SMYD3: variants seen among roughly 807,000 people sequenced by gnomAD.
SMYD3 encodes histone-lysine N-methyltransferase SMYD3.
Under a neutral mutation model 57.7 loss-of-function variants are expected in SMYD3, and 36 were observed. The observed-to-expected ratio is 0.62, with a 90% CI of 0.48 to 0.82. The LOEUF (loss-of-function observed/expected upper bound fraction) is 0.82, where lower values mean the gene tolerates loss of function less well. Ranked by LOEUF, SMYD3 falls within the 40% of genes least tolerant of loss-of-function variation. The pLI is 0.00. For missense variants in SMYD3, 515 were observed against 538.8 expected, an observed-to-expected ratio of 0.96 and a Z score of 0.44; for synonymous variants, 211 against 195.0, an observed-to-expected ratio of 1.08 and a Z score of -0.68.
At chr1:246,248,998 G>A (rs545426853) in intron 5 of SMYD3, among the ~76,000 whole-genome samples, 4 of 150,834 alleles carry the variant, frequency 2.7e-5, no homozygotes, top group Non-Finnish European at 4.4e-5. Context: ...TTTCTCTGAG[G>A]GTCAAATAAG....
At chr1:245,988,444 G>A (rs557105473) in intron 5 of SMYD3, 4 of 152,238 alleles carry the variant, frequency 2.6e-5, no homozygotes, top group African/African-American at 2.4e-5. Flanking sequence ...TCAAAGAACC[G>A]TGGCTGATGT....
intron 5 of SMYD3, among the ~76,000 whole-genome samples, chr1:246,281,237 C>T (rs1244571295): frequency 1.3e-5 from 2 of 152,250 alleles, no homozygotes; most frequent in East Asian, 3.8e-4. Flanking sequence ...GCCTGCCTCA[C>T]TGGTGCCAGG....
chr1:246,252,231 C>T (rs1770026), intron 5 of SMYD3, among the ~76,000 whole-genome samples: 1,829 of 54,490 alleles, frequency 0.034, no homozygotes, highest in Middle Eastern at 0.15. Flanking sequence ...GCGGACACTG[C>T]GCCCGGCTTT....
chr1:246,155,319 T>C (rs563218307), intron 5 of SMYD3, among the ~76,000 whole-genome samples: 144 of 152,352 alleles, frequency 9.5e-4, no homozygotes, highest in African/African-American at 3.3e-3. Flanking sequence ...ATTCCAATTC[T>C]TTCAGGACAC....
Position 246,436,900 on chromosome 1 carries a change from C to CTTTTT in SMYD3, c.164+70149_164+70153dup, listed in dbSNP as rs61263648. ...ATAAGGGTCCTGCCAGAGTTTCTTT[C>CTTTTT]TTTTTTTTTTTTTTTTTTGAGACAG... On this transcript the variant is annotated intron_variant, in intron 1 of 11. Transcript: ENST00000490107. Among the ~76,000 whole-genome samples, 76 of 128,406 alleles carry CTTTTT rather than the reference C, an allele frequency of 5.9e-4. No homozygotes were observed. The East Asian group carries it at 0.014, about 23-fold the overall frequency. The allele number at this position is 128,406 out of a possible 152,430, so 84.2% of individuals were successfully genotyped here. A position where few individuals can be genotyped will look rare whatever the true frequency, so the allele number is the denominator to read the frequency against.
intron 5 of SMYD3, among the ~76,000 whole-genome samples, chr1:246,197,464 G>A (rs1214288749): frequency 6.6e-6 from 1 of 151,808 alleles, no homozygotes; most frequent in Non-Finnish European, 1.5e-5. Flanking sequence ...CCCAAAATCC[G>A]TAACTCCACT....
chr1:246,279,389 C>T (rs543927888), intron 5 of SMYD3, among the ~76,000 whole-genome samples: 66 of 152,194 alleles, frequency 4.3e-4, no homozygotes, highest in African/African-American at 1.4e-3. Context: ...GGCATGGTGG[C>T]GCGTGCCTGT....
chr1:246,349,939 G>T (rs930194112), intron 2 of SMYD3, among the ~76,000 whole-genome samples: 1 of 152,270 alleles, frequency 6.6e-6, no homozygotes, highest in African/African-American at 2.4e-5. Context: ...TAATCACTTT[G>T]AATATCAATG....
At chr1:246,082,005 G>A (rs760325141) in intron 5 of SMYD3, among the ~76,000 whole-genome samples, 1 of 152,218 alleles carries the variant, frequency 6.6e-6, no homozygotes, top group Non-Finnish European at 1.5e-5. Context: ...GATCATGACG[G>A]TGAGAGGAAT....
intron 10 of SMYD3, among the ~76,000 whole-genome samples, chr1:245,829,056 A>AC (rs1165790282): frequency 8.2e-6 from 1 of 121,928 alleles, no homozygotes; most frequent in Non-Finnish European, 1.7e-5. Context: ...TGTCCTCTTC[A>AC]CCTTCTTAGC....
chr1:246,082,000 T>G (rs1205920367), intron 5 of SMYD3, among the ~76,000 whole-genome samples: 1 of 152,236 alleles, frequency 6.6e-6, no homozygotes, highest in Admixed American at 6.5e-5. Context: ...GCCAAGATCA[T>G]GACGGTGAGA....
At chr1:246,140,784 G>T (rs2148113409) in intron 5 of SMYD3, among the ~76,000 whole-genome samples, 1 of 151,958 alleles carries the variant, frequency 6.6e-6, no homozygotes, top group East Asian at 1.9e-4. Context: ...CGTTAGAGAT[G>T]GAGTCTCACT....
intron 5 of SMYD3, among the ~76,000 whole-genome samples, chr1:246,066,222 TCAA>T (rs1339538039): frequency 6.6e-6 from 1 of 152,178 alleles, no homozygotes; most frequent in Non-Finnish European, 1.5e-5. Context: ...GCAATTCAGT[TCAA>T]CTCATCTCAA....
intron 10 of SMYD3, among the ~76,000 whole-genome samples, chr1:245,851,140 A>G (rs1043697529): frequency 6.6e-6 from 1 of 152,118 alleles, no homozygotes; most frequent in Non-Finnish European, 1.5e-5. Context: ...AACCTTGTCC[A>G]TCACTGGCCA....
rs188645068 is a variant in SMYD3 at position 246,186,551 on chromosome 1, G to A, written c.531+140650C>T. ...GTACTCTGAAACCAGAGAACAGCACGGTGGGTGAATTCAAAAAACAGAATT... is the reference window on the plus strand; with the variant it reads ...GTACTCTGAAACCAGAGAACAGCACAGTGGGTGAATTCAAAAAACAGAATT... On this transcript the variant is annotated intron_variant, in intron 5 of 11. Coordinates refer to ENST00000490107, the MANE Select transcript of SMYD3 (RefSeq NM_001167740.2). Among the ~76,000 whole-genome samples the A allele has an allele frequency of 6.2e-4, 95 of 152,114 alleles. 1 individual carries two copies. The highest frequency in any genetic ancestry group is 5.3e-3 in the Admixed American group (81 of 15,288).
chr1:246,270,064 A>G (rs2064191101), intron 5 of SMYD3, among the ~76,000 whole-genome samples: 1 of 152,192 alleles, frequency 6.6e-6, no homozygotes, highest in Non-Finnish European at 1.5e-5. Flanking sequence ...ATAAATTAAT[A>G]ACATTACGAC....
At chr1:246,060,853 TA>T (rs34784543) in intron 5 of SMYD3, among the ~76,000 whole-genome samples, 37,464 of 152,132 alleles carry the variant, frequency 0.25, 5,202 homozygotes, top group East Asian at 0.39. Context: ...TAGTGTACAC[TA>T]ACTGGCTGAC....
chr1:246,248,638 T>G lies in SMYD3; in HGVS notation c.531+78563A>C, dbSNP rs1384660690. Among the ~76,000 whole-genome samples the G allele has an allele frequency of 1.7e-3, 182 of 108,280 alleles. 11 individuals are homozygous for G. The highest frequency in any genetic ancestry group is 7.1e-3 in the African/African-American group (174 of 24,504). The allele number at this position is 108,280 out of a possible 152,430, so 71.0% of individuals were successfully genotyped here. A position where few individuals can be genotyped will look rare whatever the true frequency, so the allele number is the denominator to read the frequency against. On this transcript the variant is annotated intron_variant, in intron 5 of 11. Transcript: ENST00000490107. ...TATGCAAAAGCTCTCTGACTTTCCT[T>G]TTTTTTTTTTTTTTTTTTTTTGAGA...
intron 10 of SMYD3, among the ~76,000 whole-genome samples, chr1:245,802,912 C>G (rs535288858): frequency 6.6e-6 from 1 of 152,294 alleles, no homozygotes; most frequent in African/African-American, 2.4e-5. Flanking sequence ...CCTTTAAAGT[C>G]TTCTCTAGTT....
Sources: allele counts gnomAD v4.1 joint callset (sites outside exome capture counted in the v4.1 genomes callset), GRCh38; gene constraint gnomAD v4.1.1; transcripts MANE v1.5; gene names NCBI Gene and HGNC (gene_info 2026-07-23, HGNC 2026-07-21).